ITGB6: variants seen among roughly 807,000 people sequenced by gnomAD.
The protein encoded by ITGB6 is integrin subunit beta 6.
Under a neutral mutation model 84.5 loss-of-function variants are expected in ITGB6, and 80 were observed. The observed-to-expected ratio is 0.95, with a 90% CI of 0.79 to 1.14. The LOEUF is 1.14. Among genes scored for constraint, ITGB6 ranks in the 50% most tolerant of loss-of-function variants. The pLI is 0.00. For missense variants in ITGB6, 1,006 were observed against 968.0 expected, an observed-to-expected ratio of 1.04 and a Z score of -0.52; for synonymous variants, 383 against 354.9, an observed-to-expected ratio of 1.08 and a Z score of -0.89.
rs182363389 is a variant in ITGB6, at chr2:160,181,078, G to A, written c.594-6939C>T. 1.6e-4 allele frequency among the ~76,000 whole-genome samples: 24 copies of A among 152,326 alleles called. No individual in the cohort carries two copies. In the East Asian group the frequency reaches 4.6e-3, roughly 29 times the overall value. The stretch of plus-strand genomic sequence containing the variant: ...CTGGGTGGCTGTTTGGGCAGACAGC[G>A]AGCTAGCTGCCGGAGTTTTTTTTCA... On this transcript the variant is annotated intron_variant, in intron 4 of 14. Coordinates refer to ENST00000283249, the MANE Select transcript of ITGB6 (RefSeq NM_000888.5).
chr2:160,102,459 G>A (rs554133762), intron 14 of ITGB6, among the ~76,000 whole-genome samples: 1 of 152,290 alleles, frequency 6.6e-6, no homozygotes, highest in East Asian at 1.9e-4. Flanking sequence ...GCTGTCTTTT[G>A]CTTACTATGT....
At chr2:160,145,358 AG>A (rs992432147) in intron 7 of ITGB6, among the ~76,000 whole-genome samples, 1 of 152,134 alleles carries the variant, frequency 6.6e-6, no homozygotes, top group Non-Finnish European at 1.5e-5. Context: ...CATACCACCC[AG>A]GAGTTCCTGA....
chr2:160,107,688 C>T lies in ITGB6; in HGVS notation c.2259G>A (p.Lys753=). 1 of 1,613,924 alleles carries T rather than the reference C, an allele frequency of 6.2e-7. No homozygotes were observed. Among genetic ancestry groups the T allele is most frequent in the Non-Finnish European group, 8.5e-7 (1 of 1,179,856 alleles). ...CTAAGTTTCCACATACCGTTTGCCA[C>T]TTGGCTTTTGATCGTTCTGCTTCAA... ...AKFEAERSKA[K]WQTGTNPLYR... is the part of the protein sequence containing the mutation. Residue 753 remains lysine (K), a synonymous_variant, in exon 14 of 15, where the codon AAG becomes AAA. Coordinates refer to ENST00000283249, the MANE Select transcript of ITGB6 (RefSeq NM_000888.5).
chr2:160,164,763 C>T (rs1684942370), intron 7 of ITGB6, among the ~76,000 whole-genome samples: 1 of 152,086 alleles, frequency 6.6e-6, no homozygotes, highest in African/African-American at 2.4e-5. Context: ...CATTAAGGTC[C>T]TGCTTTAAAC....
chr2:160,101,719 T>C lies in ITGB6; in HGVS notation c.*17A>G. The C allele has an allele frequency of 7.5e-7, 1 of 1,327,398 alleles. No individual in the cohort carries two copies. Among genetic ancestry groups the C allele is most frequent in the Non-Finnish European group, 1.1e-6 (1 of 920,652 alleles). The allele number at this position is 1,327,398 out of a possible 1,614,324, so 82.2% of individuals were successfully genotyped here. On this transcript the variant is annotated 3_prime_UTR_variant, in exon 15 of 15. Coordinates refer to ENST00000283249, the MANE Select transcript of ITGB6 (RefSeq NM_000888.5). ...TTCATATCAGTGAAACAGACTTTTT[T>C]CATGCATAAAGTAGTTCTAGCAATC...
At chr2:160,117,571 C>T (rs1335877707) in intron 12 of ITGB6, among the ~76,000 whole-genome samples, 1 of 151,870 alleles carries the variant, frequency 6.6e-6, no homozygotes, top group Non-Finnish European at 1.5e-5. Flanking sequence ...AGGAAAGATC[C>T]AAAACTGACA....
intron 10 of ITGB6, among the ~76,000 whole-genome samples, chr2:160,129,928 A>G (rs553238432): frequency 6.2e-4 from 94 of 150,982 alleles, no homozygotes; most frequent in African/African-American, 2.2e-3. Context: ...GTGTGTGTGT[A>G]TATATATATG....
intron 7 of ITGB6, among the ~76,000 whole-genome samples, chr2:160,161,832 G>C (rs1684828898): frequency 6.6e-6 from 1 of 152,120 alleles, no homozygotes; most frequent in South Asian, 2.1e-4. Context: ...AAAGCAACTT[G>C]GACAAACTCA....
rs559141174 is a variant in ITGB6, at chr2:160,186,517, G to A, written c.593+8852C>T. Reference sequence around the variant, plus strand: ...CAGAAATGCTTTTACACTGTTGGTGGGAGTGTAAATTAGTTCAGTCATTGT... The same window carrying A: ...CAGAAATGCTTTTACACTGTTGGTGAGAGTGTAAATTAGTTCAGTCATTGT... On this transcript the variant is annotated intron_variant, in intron 4 of 14. Transcript: ENST00000283249. Among the ~76,000 whole-genome samples the A allele has an allele frequency of 2.0e-5, 3 of 152,282 alleles. No individual in the cohort carries two copies. In the South Asian group the frequency reaches 6.2e-4, roughly 32 times the overall value.
At chr2:160,146,997 G>A (rs901564616) in intron 7 of ITGB6, among the ~76,000 whole-genome samples, 1 of 151,750 alleles carries the variant, frequency 6.6e-6, no homozygotes, top group Non-Finnish European at 1.5e-5. Flanking sequence ...CCACTGGAAG[G>A]CTGAGGTGGG....
rs977282953 is a variant in ITGB6 at position 160,177,073 on chromosome 2, G to T, written c.594-2934C>A. Among the ~76,000 whole-genome samples, 4 of 151,982 alleles carry T rather than the reference G, an allele frequency of 2.6e-5. No homozygotes were observed. In the South Asian group the frequency reaches 6.2e-4, roughly 24 times the overall value. ...GTATCCATTGCCATCTGTGGTATTAGTGTATGGCATGGCATCATTGTTTTT... is the reference window on the plus strand; with the variant it reads ...GTATCCATTGCCATCTGTGGTATTATTGTATGGCATGGCATCATTGTTTTT... On this transcript the variant is annotated intron_variant, in intron 4 of 14. Transcript: ENST00000283249.
intron 4 of ITGB6, among the ~76,000 whole-genome samples, chr2:160,175,991 A>G (rs1034843548): frequency 9.2e-5 from 14 of 152,128 alleles, no homozygotes; most frequent in Admixed American, 6.5e-4. Flanking sequence ...CTGAGTAAGG[A>G]TGCTCTCACC....
In ITGB6 at chr2:160,172,551, A is replaced by G. The variant is rs764351347; in HGVS notation, c.921+18T>C. 1.3e-6 allele frequency: 2 copies of G among 1,573,562 alleles called. No individual in the cohort carries two copies. Among genetic ancestry groups the G allele is most frequent in the East Asian group, 4.5e-5 (2 of 44,030 alleles). On this transcript the variant is annotated intron_variant, in intron 6 of 14. Transcript: ENST00000283249. ...CTACTTATAGCCCTGAAAACAGTAC[A>G]GAGTGCAGGTTACACACCAAGACAG...
chr2:160,141,600 G>A (rs1299880052), intron 8 of ITGB6, among the ~76,000 whole-genome samples: 1 of 152,176 alleles, frequency 6.6e-6, no homozygotes, highest in Non-Finnish European at 1.5e-5. Flanking sequence ...CGTCAAGCCT[G>A]TAGAGTTAGC....
At chr2:160,111,362 C>G (rs567560281) in intron 13 of ITGB6, among the ~76,000 whole-genome samples, 7 of 152,176 alleles carry the variant, frequency 4.6e-5, no homozygotes, top group Non-Finnish European at 7.4e-5. Flanking sequence ...AGCAGGCAGG[C>G]TTTTTTGGTA....
intron 7 of ITGB6, among the ~76,000 whole-genome samples, chr2:160,148,039 C>A (rs1684266595): frequency 2.0e-5 from 3 of 152,180 alleles, no homozygotes; most frequent in Non-Finnish European, 4.4e-5. Context: ...AAGTCATGGA[C>A]TGGAAGAAAA....
intron 11 of ITGB6, among the ~76,000 whole-genome samples, chr2:160,125,756 C>G (rs1559114310): frequency 6.6e-6 from 1 of 152,150 alleles, no homozygotes; most frequent in East Asian, 1.9e-4. Flanking sequence ...AAATGTGGCC[C>G]CAATTTCATT....
chr2:160,113,751 G>C (rs563842766), intron 12 of ITGB6, among the ~76,000 whole-genome samples: 1 of 152,354 alleles, frequency 6.6e-6, no homozygotes, highest in Non-Finnish European at 1.5e-5. Context: ...TTCTGATTAA[G>C]AGATTTGGTG....
chr2:160,162,752 G>A (rs1487982389), intron 7 of ITGB6, among the ~76,000 whole-genome samples: 1 of 152,086 alleles, frequency 6.6e-6, no homozygotes, highest in African/African-American at 2.4e-5. Flanking sequence ...CCGAGTAGCT[G>A]GGATTACAGG....
Sources: allele counts gnomAD v4.1 joint callset (sites outside exome capture counted in the v4.1 genomes callset), GRCh38; gene constraint gnomAD v4.1.1; transcripts MANE v1.5; gene names NCBI Gene and HGNC (gene_info 2026-07-23, HGNC 2026-07-21).